The following DPY19L4 variants were observed in gnomAD, a reference collection of about 807,000 sequenced individuals.
DPY19L4 encodes the protein probable C-mannosyltransferase DPY19L4.
DPY19L4 carries 97 observed loss-of-function variants against 102.8 expected under a neutral mutation model. That is an observed-to-expected ratio of 0.94 (90% CI 0.80 to 1.12). DPY19L4 has a LOEUF of 1.12. Ranked by LOEUF, DPY19L4 falls within the 50% of genes most tolerant of loss-of-function variation. DPY19L4 has a pLI of 0.00. For synonymous variants in DPY19L4, 252 were observed against 283.1 expected (o/e 0.89, Z 1.10); for missense variants, 815 against 850.4 (o/e 0.96, Z 0.52).
chr8:94,765,308 C>T lies in DPY19L4; in HGVS notation c.996C>T (p.Cys332=). ...TAGCAGCCTTAATGCTTGCTAAGTG[C>T]CTTCAGGTAACTAGAATTATCTTTT... The part of the protein sequence containing the change: ...SLVAALMLAK[C]LQLNVKKGSF... The change falls in exon 9 of 19, where the codon TGC becomes TGT. Residue 332 remains cysteine (C), a synonymous_variant. Transcript: ENST00000414645. 2 of 1,590,088 alleles carry T rather than the reference C, an allele frequency of 1.3e-6. No homozygotes were observed. Among genetic ancestry groups the T allele is most frequent in the Non-Finnish European group, 1.7e-6 (2 of 1,174,074 alleles).
chr8:94,759,144 C>G (rs552741762), intron 7 of DPY19L4, among the ~76,000 whole-genome samples: 1 of 152,108 alleles, frequency 6.6e-6, no homozygotes, highest in Admixed American at 6.6e-5. Context: ...TTGTGACGAG[C>G]GAAAGAACAA....
chr8:94,773,936 G>C (rs953351891), intron 13 of DPY19L4, among the ~76,000 whole-genome samples: 2 of 148,822 alleles, frequency 1.3e-5, no homozygotes, highest in African/African-American at 5.0e-5. Flanking sequence ...TATGGAGGCT[G>C]AGGTGGATGG....
Position 94,765,724 on chromosome 8 carries a change from A to C in DPY19L4, c.1016A>C (p.Lys339Thr). 1 of 1,601,584 alleles carries C rather than the reference A, an allele frequency of 6.2e-7. No individual in the cohort carries two copies. Among genetic ancestry groups the C allele is most frequent in the South Asian group, 1.1e-5 (1 of 89,394 alleles). The change falls in exon 10 of 19, where the codon AAA becomes ACA. Residue 339 changes from lysine (K) to threonine (T), a missense_variant. Transcript: ENST00000414645. ...TTTCCTCCACAGCTGAATGTGAAGA[A>C]AGGAAGTTTTGTAGCTAAAATAATA... ...LAKCLQLNVKKGSFVAKIIKV... is the reference protein window; with the variant it reads ...LAKCLQLNVKTGSFVAKIIKV...
chr8:94,753,773 G>A (rs1449236055), intron 6 of DPY19L4, among the ~76,000 whole-genome samples: 1 of 152,190 alleles, frequency 6.6e-6, no homozygotes, highest in Admixed American at 6.5e-5. Context: ...TCAGGAGGCT[G>A]AGGCAGGAGA....
At chr8:94,731,784 C>G (rs1810965148) in intron 2 of DPY19L4, among the ~76,000 whole-genome samples, 2 of 151,490 alleles carry the variant, frequency 1.3e-5, no homozygotes, top group African/African-American at 4.9e-5. Flanking sequence ...CGGAGTCTCG[C>G]TCTGTTGCCC....
chr8:94,736,840 T>TA (rs1347984972), intron 3 of DPY19L4, among the ~76,000 whole-genome samples: 3 of 152,216 alleles, frequency 2.0e-5, no homozygotes, highest in Non-Finnish European at 4.4e-5. Flanking sequence ...ACTTTCTCCT[T>TA]AAACTTGTCT....
rs967536127 is a variant in DPY19L4 at position 94,763,445 on chromosome 8, A to G, written c.870+1611A>G. ...AACCTCCGCCTCCCAGGCTCAAGCA[A>G]TCCTCCCACCTCAGCCTCCTGAGTA... On this transcript the variant is annotated intron_variant, in intron 8 of 18. Coordinates refer to ENST00000414645, the MANE Select transcript of DPY19L4 (RefSeq NM_181787.3). Among the ~76,000 whole-genome samples the G allele has an allele frequency of 6.0e-5, 9 of 151,044 alleles. No homozygotes were observed. The East Asian group carries it at 9.7e-4, about 16-fold the overall frequency.
Position 94,760,961 on chromosome 8 carries a change from G to T in DPY19L4, c.736-739G>T, listed in dbSNP as rs1484714746. Among the ~76,000 whole-genome samples, 4 of 152,186 alleles carry T rather than the reference G, an allele frequency of 2.6e-5. No individual in the cohort carries two copies. In the East Asian group the frequency reaches 7.7e-4, roughly 29 times the overall value. ...AAGTTTAATATGGCTGACAGTACAG[G>T]CATTGGGGAAAGATAATACTTCTGT... On this transcript the variant is annotated intron_variant, in intron 7 of 18. Coordinates refer to ENST00000414645, the MANE Select transcript of DPY19L4 (RefSeq NM_181787.3).
intron 2 of DPY19L4, among the ~76,000 whole-genome samples, chr8:94,727,337 G>C (rs1473325683): frequency 6.6e-6 from 1 of 152,104 alleles, no homozygotes; most frequent in Admixed American, 6.6e-5. Flanking sequence ...GGGTTCAAGC[G>C]ATTGTCCTGC....
rs201624071 is a variant in DPY19L4, at chr8:94,719,966, G to A, written c.-33G>A. 1.9e-5 allele frequency: 28 copies of A among 1,509,760 alleles called. No individual in the cohort carries two copies. The highest frequency in any genetic ancestry group is 2.4e-5 in the Non-Finnish European group (27 of 1,129,546). 93.5% of individuals were successfully genotyped at this position (1,509,760 alleles called of 1,614,324 possible). A position where few individuals can be genotyped will look rare whatever the true frequency, so the allele number is the denominator to read the frequency against. ...GGGAGGGAGAGTCTGGGCCGCGCGGGAGCCGCAGGGCGCCCTAGCCTTCGC... is the reference window on the plus strand; with the variant it reads ...GGGAGGGAGAGTCTGGGCCGCGCGGAAGCCGCAGGGCGCCCTAGCCTTCGC... On this transcript the variant is annotated 5_prime_UTR_variant, in exon 1 of 19. Transcript: ENST00000414645.
chr8:94,739,416 T>A lies in DPY19L4; in HGVS notation c.347T>A (p.Val116Asp). Residue 116 changes from valine to aspartate, a missense_variant, in exon 5 of 19, where the codon GTT becomes GAT. Coordinates refer to ENST00000414645, the MANE Select transcript of DPY19L4 (RefSeq NM_181787.3). Reference sequence around the variant, plus strand: ...AGAAAAATCTTTCTGTCTTTAGGTGTTTACGAACTGACACACAATAACAAA... The same window carrying A: ...AGAAAAATCTTTCTGTCTTTAGGTGATTACGAACTGACACACAATAACAAA... ...MLKAPSFERG[V>D]YELTHNNKTV... is the part of the protein sequence containing the mutation. The A allele has an allele frequency of 3.2e-6, 5 of 1,575,266 alleles. No homozygotes were observed. Among genetic ancestry groups the A allele is most frequent in the Non-Finnish European group, 4.3e-6 (5 of 1,166,552 alleles).
chr8:94,793,105 G>A lies in DPY19L4; in HGVS notation c.*3195G>A, dbSNP rs1813929070. 2 of 152,138 alleles carry A rather than the reference G, an allele frequency of 1.3e-5. No homozygotes were observed. The highest frequency in any genetic ancestry group is 1.3e-4 in the Admixed American group (2 of 15,268). The allele number at this position is 152,138 out of a possible 1,614,324, so 9.4% of individuals were successfully genotyped here. On this transcript the variant is annotated 3_prime_UTR_variant, in exon 19 of 19. Coordinates refer to ENST00000414645, the MANE Select transcript of DPY19L4 (RefSeq NM_181787.3). Reference sequence around the variant, plus strand: ...ACTTTTTTCTTCATTTACTTTCTGTGTATATAGGCAGCATATTTTTTTTGT... The same window carrying A: ...ACTTTTTTCTTCATTTACTTTCTGTATATATAGGCAGCATATTTTTTTTGT...
chr8:94,789,453 G>A (rs73697037), intron 18 of DPY19L4, among the ~76,000 whole-genome samples: 8,094 of 151,994 alleles, frequency 0.053, 703 homozygotes, highest in African/African-American at 0.18. Flanking sequence ...TAAGGTCTTC[G>A]GAGCGATGAT....
intron 2 of DPY19L4, among the ~76,000 whole-genome samples, chr8:94,728,601 G>A (rs561936591): frequency 4.0e-4 from 61 of 152,302 alleles, no homozygotes; most frequent in African/African-American, 1.3e-3. Context: ...GGGGCTGGCC[G>A]CAAGAAAACT....
rs112078623 is a variant in DPY19L4, at chr8:94,759,038, C to T, written c.736-2662C>T. On this transcript the variant is annotated intron_variant, in intron 7 of 18. Transcript: ENST00000414645. ...GTTCTTTCCAGTGGGTTCATGGTCT[C>T]GCTGACTTCAAGAATGAAGCCGCGG... 3.6e-3 allele frequency among the ~76,000 whole-genome samples: 551 copies of T among 152,172 alleles called. 1 individual carries two copies. The highest frequency in any genetic ancestry group is 5.1e-3 in the Non-Finnish European group (349 of 67,996).
chr8:94,732,675 A>T (rs1039093288), intron 2 of DPY19L4, among the ~76,000 whole-genome samples: 1 of 151,922 alleles, frequency 6.6e-6, no homozygotes, highest in African/African-American at 2.4e-5. Flanking sequence ...TTCAATGAAT[A>T]AAAAATCCTG....
intron 14 of DPY19L4, among the ~76,000 whole-genome samples, chr8:94,779,864 TA>T (rs1445015838): frequency 2.8e-4 from 43 of 152,270 alleles, no homozygotes; most frequent in African/African-American, 1.0e-3. Flanking sequence ...GATGATACAT[TA>T]TCTTTAATAA....
At chr8:94,732,555 A>G (rs1270681321) in intron 2 of DPY19L4, among the ~76,000 whole-genome samples, 1 of 152,182 alleles carries the variant, frequency 6.6e-6, no homozygotes, top group Non-Finnish European at 1.5e-5. Flanking sequence ...TTTAAAAAAG[A>G]AATAGTTTGT....
chr8:94,773,871 C>CA (rs71273373), intron 13 of DPY19L4, among the ~76,000 whole-genome samples: 23,241 of 70,378 alleles, frequency 0.33, 4,513 homozygotes, highest in African/African-American at 0.52. Flanking sequence ...CCCATCTCTA[C>CA]AAAAAAAAAA....
Sources: allele counts gnomAD v4.1 joint callset (sites outside exome capture counted in the v4.1 genomes callset), GRCh38; gene constraint gnomAD v4.1.1; transcripts MANE v1.5; gene names NCBI Gene and HGNC (gene_info 2026-07-23, HGNC 2026-07-21).